Variants in WRN observed in about 807,000 individuals in gnomAD.
WRN encodes WRN RecQ like helicase.
Under a neutral mutation model 180.7 loss-of-function variants are expected in WRN, and 149 were observed. That is an observed-to-expected ratio of 0.82 (90% CI 0.72 to 0.94). The LOEUF (loss-of-function observed/expected upper bound fraction) is 0.94, where lower values mean the gene tolerates loss of function less well. WRN is among the 40% of genes least tolerant of loss of function. The pLI is 0.00. For synonymous variants in WRN, 548 were observed against 568.9 expected (o/e 0.96, Z 0.52); for missense variants, 1,661 against 1,700.1 (o/e 0.98, Z 0.40).
intron 1 of WRN, among the ~76,000 whole-genome samples, chr8:31,038,635 T>C (rs13269094): frequency 6.6e-6 from 1 of 151,996 alleles, no homozygotes; most frequent in Non-Finnish European, 1.5e-5. Flanking sequence ...CCAAATCCAA[T>C]GCCATGAAGA....
intron 14 of WRN, 138 bp from the exon 15 acceptor site, chr8:31,090,696 T>G (rs1455667360): frequency 1.9e-6 from 2 of 1,044,176 alleles, no homozygotes; most frequent in Non-Finnish European, 1.4e-6. Flanking sequence ...TATGTATCAA[T>G]TAGCTTTTAG....
At chr8:31,102,502 A>G (rs117298816) in intron 18 of WRN, among the ~76,000 whole-genome samples, 1,844 of 152,356 alleles carry the variant, frequency 0.012, 19 homozygotes, top group Non-Finnish European at 0.021. Context: ...GATAGAGCCT[A>G]TTGCTCCTAG....
chr8:31,066,183 A>G (rs1812692065), intron 5 of WRN, among the ~76,000 whole-genome samples: 1 of 147,334 alleles, frequency 6.8e-6, no homozygotes, highest in South Asian at 2.2e-4. Context: ...TGGCCGGCAG[A>G]CAGTTTCTTT....
intron 11 of WRN, 186 bp from the exon 12 acceptor site, chr8:31,087,590 G>A (rs1181234159): frequency 8.9e-6 from 5 of 563,098 alleles, no homozygotes; most frequent in Non-Finnish European, 1.6e-5. Flanking sequence ...TTGGCCTTGC[G>A]CCTTAGAAAC....
At chr8:31,147,901 T>G (rs1585523509) in intron 30 of WRN, among the ~76,000 whole-genome samples, 1 of 150,450 alleles carries the variant, frequency 6.6e-6, no homozygotes, top group African/African-American at 2.5e-5. Flanking sequence ...TTTTTTTTTT[T>G]GTCTGAAGAC....
At chr8:31,091,692 G>A (rs1813751619) in intron 15 of WRN, 138 bp from the exon 16 acceptor site, 1 of 833,684 alleles carries the variant, frequency 1.2e-6, no homozygotes, top group African/African-American at 1.7e-5. Context: ...TGCTTATCAA[G>A]TTAGTAAGTG....
chr8:31,140,387 A>G (rs778593926), intron 24 of WRN, among the ~76,000 whole-genome samples: 8 of 152,142 alleles, frequency 5.3e-5, no homozygotes, highest in Non-Finnish European at 4.4e-5. Flanking sequence ...CAGTAAGAGA[A>G]CAAAGTGAAT....
rs1863281 is a variant in WRN, at chr8:31,175,830, T to A, written c.*2728T>A. ...AAACAATGCTGCTGTTCTCAGTTTT[T>A]AAAAATATGTTTTTTAAAAGTATTT... On this transcript the variant is annotated 3_prime_UTR_variant, in exon 35 of 35. Transcript: ENST00000298139. Among the ~76,000 whole-genome samples the A allele has an allele frequency of 0.039, 5,998 of 152,344 alleles. 173 individuals are homozygous for A. Among genetic ancestry groups the A allele is most frequent in the Non-Finnish European group, 0.058 (3,921 of 68,040 alleles).
At position 31,174,436 on chromosome 8, in the gene WRN, A is replaced by T. The variant is rs1804207006; in HGVS notation, c.*1334A>T. On this transcript the variant is annotated 3_prime_UTR_variant, in exon 35 of 35. Transcript: ENST00000298139. ...ATGGCTTGCCATTTTCACTGAAAAG[A>T]ATGACTAATGAAAAACGATGATTGG... Among the ~76,000 whole-genome samples the T allele has an allele frequency of 1.3e-5, 2 of 152,234 alleles. No homozygotes were observed. The highest frequency in any genetic ancestry group is 4.8e-5 in the African/African-American group (2 of 41,470).
rs559250431 is a variant in WRN, at chr8:31,092,348, G to T, written c.1898+450G>T. The stretch of plus-strand genomic sequence containing the variant: ...ATCACACAATGACTGGCTGAGCAGG[G>T]ACTGGATTCTAGGTCTCTTGCCCAA... On this transcript the variant is annotated intron_variant, in intron 16 of 34. Coordinates refer to ENST00000298139, the MANE Select transcript of WRN (RefSeq NM_000553.6). Among the ~76,000 whole-genome samples, 4 of 151,894 alleles carry T rather than the reference G, an allele frequency of 2.6e-5. No homozygotes were observed. The South Asian group carries it at 8.3e-4, about 32-fold the overall frequency.
intron 8 of WRN, among the ~76,000 whole-genome samples, chr8:31,077,467 CT>C (rs1813142042): frequency 6.6e-6 from 1 of 152,106 alleles, no homozygotes; most frequent in South Asian, 2.1e-4. Context: ...TCGTCTCGAT[CT>C]CCGGACCTCG....
At chr8:31,130,647 A>T (rs772884926) in intron 23 of WRN, among the ~76,000 whole-genome samples, 1 of 151,180 alleles carries the variant, frequency 6.6e-6, no homozygotes, top group Admixed American at 6.6e-5. Context: ...TTTAAAGAAG[A>T]AGTTTATTTA....
chr8:31,150,809 A>G (rs547717796), intron 31 of WRN, among the ~76,000 whole-genome samples: 1 of 152,354 alleles, frequency 6.6e-6, no homozygotes, highest in East Asian at 1.9e-4. Flanking sequence ...TGAGTTGGTC[A>G]GGAGCTCAGC....
intron 1 of WRN, among the ~76,000 whole-genome samples, 172 bp from the exon 2 acceptor site, chr8:31,058,200 G>C (rs374649788): frequency 1.3e-5 from 2 of 152,148 alleles, no homozygotes; most frequent in Admixed American, 6.5e-5. Context: ...TAAAATGACT[G>C]ATTTGTTTTA....
At chr8:31,037,593 A>T (rs1811497755) in intron 1 of WRN, among the ~76,000 whole-genome samples, 1 of 152,124 alleles carries the variant, frequency 6.6e-6, no homozygotes, top group Non-Finnish European at 1.5e-5. Context: ...GACTACTTTC[A>T]TTCTTTTGCA....
chr8:31,100,747 A>C (rs1266592635), intron 17 of WRN, 102 bp from the exon 18 acceptor site: 3 of 981,208 alleles, frequency 3.1e-6, no homozygotes, highest in African/African-American at 1.6e-5. Flanking sequence ...TAGGAACCAA[A>C]TACTTTGATT....
At chr8:31,082,110 T>G (rs1009285413) in intron 9 of WRN, among the ~76,000 whole-genome samples, 10 of 152,206 alleles carry the variant, frequency 6.6e-5, no homozygotes, top group Non-Finnish European at 1.0e-4. Flanking sequence ...AAACTCCTGA[T>G]GCTTTTGCTT....
intron 34 of WRN, among the ~76,000 whole-genome samples, chr8:31,172,610 ACT>A (rs1443612994): frequency 6.6e-6 from 1 of 152,178 alleles, no homozygotes; most frequent in Non-Finnish European, 1.5e-5. Flanking sequence ...GCCTAATATA[ACT>A]CTTTGTGTAT....
rs367676467 is a variant in WRN at position 31,145,513 on chromosome 8, A to G, written c.3384-1540A>G. On this transcript the variant is annotated intron_variant, in intron 28 of 34. Transcript: ENST00000298139. ...CCTTTCAAAATGTTATTGCTCATTG[A>G]CAACACTTAGTCACCAAGAGCCGTA... Among the ~76,000 whole-genome samples the G allele has an allele frequency of 5.7e-4, 87 of 152,308 alleles. 1 individual carries two copies. The highest frequency in any genetic ancestry group is 2.0e-3 in the African/African-American group (83 of 41,560).
Sources: gnomAD v4.1 joint callset for allele counts (sites outside exome capture counted in the v4.1 genomes callset) on GRCh38, gnomAD v4.1.1 for gene constraint, MANE v1.5 for transcripts, NCBI Gene and HGNC (gene_info 2026-07-23, HGNC 2026-07-21) for gene names.